ENTREP2: variants seen among roughly 807,000 people sequenced by gnomAD.
ENTREP2 encodes the protein endosomal transmembrane epsin interactor 2.
chr15:29,558,339 A>G, the ENTREP2 span, among the ~76,000 whole-genome samples: 1 of 152,090 alleles, frequency 6.6e-6, no homozygotes, highest in African/African-American at 2.4e-5. Flanking sequence ...CCACTCCAGC[A>G]TCCTAGCCCA....
chr15:29,548,075 G>A, the ENTREP2 span, among the ~76,000 whole-genome samples: 8 of 152,134 alleles, frequency 5.3e-5, no homozygotes, highest in African/African-American at 1.9e-4. Flanking sequence ...GGCTGGGTTG[G>A]GGGTAAAAGT....
chr15:29,335,650 T>C, the ENTREP2 span, among the ~76,000 whole-genome samples: 195 of 152,274 alleles, frequency 1.3e-3, 1 homozygote, highest in Non-Finnish European at 2.2e-3. Context: ...TCTGATTCAG[T>C]AGGGCCAGGG....
chr15:29,406,562 AG>A, the ENTREP2 span, among the ~76,000 whole-genome samples: 1,778 of 152,202 alleles, frequency 0.012, 18 homozygotes, highest in Non-Finnish European at 0.016. Flanking sequence ...ATTAAAAAAA[AG>A]AATATTAAAA....
At chr15:29,258,093 A>G in the ENTREP2 span, among the ~76,000 whole-genome samples, 1 of 152,050 alleles carries the variant, frequency 6.6e-6, no homozygotes, top group Non-Finnish European at 1.5e-5. Flanking sequence ...CGCGCCTGTA[A>G]TCCCAGCTAC....
At chr15:29,413,252 CAG>C in the ENTREP2 span, among the ~76,000 whole-genome samples, 2 of 152,078 alleles carry the variant, frequency 1.3e-5, no homozygotes, top group Admixed American at 1.3e-4. Flanking sequence ...CTGCAGAATT[CAG>C]TATATGTAAA....
At chr15:29,428,358 T>G in the ENTREP2 span, among the ~76,000 whole-genome samples, 2 of 152,082 alleles carry the variant, frequency 1.3e-5, no homozygotes, top group Non-Finnish European at 2.9e-5. Flanking sequence ...TTATTACAGG[T>G]GCTCGCCACC....
the ENTREP2 span, among the ~76,000 whole-genome samples, chr15:29,272,669 G>A: frequency 2.0e-5 from 3 of 152,284 alleles, no homozygotes; most frequent in South Asian, 2.1e-4. Flanking sequence ...GCAGAATGGG[G>A]TGGCCAAATA....
At chr15:29,591,919 AC>A in the ENTREP2 span, among the ~76,000 whole-genome samples, 1 of 151,292 alleles carries the variant, frequency 6.6e-6, no homozygotes, top group Non-Finnish European at 1.5e-5. Context: ...AGATGTTTCT[AC>A]AAACCAAGTG....
At chr15:29,178,313 A>T in the ENTREP2 span, among the ~76,000 whole-genome samples, 1 of 151,492 alleles carries the variant, frequency 6.6e-6, no homozygotes, top group African/African-American at 2.4e-5. Context: ...AAAAAAAAGA[A>T]AGAAAGAAAG....
the ENTREP2 span, among the ~76,000 whole-genome samples, chr15:29,323,412 G>A: frequency 0.041 from 6,200 of 152,200 alleles, 410 homozygotes; most frequent in African/African-American, 0.14. Flanking sequence ...GGAGGGTGGC[G>A]TCCTGAAGTG....
the ENTREP2 span, among the ~76,000 whole-genome samples, chr15:29,460,292 AC>A: frequency 1.3e-5 from 2 of 151,960 alleles, no homozygotes; most frequent in Admixed American, 6.6e-5. Context: ...TAAGCCTTTA[AC>A]TTTAAAAATA....
At chr15:29,123,606 T>C in the ENTREP2 span, 1 of 1,551,534 alleles carries the variant, frequency 6.4e-7, no homozygotes, top group Non-Finnish European at 8.7e-7. Flanking sequence ...GGTCCCCCGC[T>C]GGTGAAAGCT....
At chr15:29,431,279 C>T in the ENTREP2 span, among the ~76,000 whole-genome samples, 5 of 152,008 alleles carry the variant, frequency 3.3e-5, no homozygotes, top group African/African-American at 1.2e-4. Context: ...GGCCCCTGCA[C>T]GTATGGTTTA....
the ENTREP2 span, among the ~76,000 whole-genome samples, chr15:29,222,022 G>A: frequency 6.6e-6 from 1 of 152,342 alleles, no homozygotes; most frequent in Non-Finnish European, 1.5e-5. Flanking sequence ...GTTTGAACCA[G>A]AGTAACTCCA....
the ENTREP2 span, among the ~76,000 whole-genome samples, chr15:29,147,398 G>C: frequency 6.6e-6 from 1 of 151,894 alleles, no homozygotes; most frequent in Non-Finnish European, 1.5e-5. Flanking sequence ...ATAAGTGTTG[G>C]CGTGGATGTG....
the ENTREP2 span, among the ~76,000 whole-genome samples, chr15:29,459,649 G>A: frequency 4.6e-5 from 7 of 152,274 alleles, no homozygotes; most frequent in East Asian, 1.2e-3. Context: ...AGGGTTGTAA[G>A]CCAGGAGGGA....
the ENTREP2 span, among the ~76,000 whole-genome samples, chr15:29,170,802 G>A: frequency 6.6e-6 from 1 of 152,236 alleles, no homozygotes; most frequent in Non-Finnish European, 1.5e-5. Context: ...AGAAATAAAT[G>A]TCTGCTGTTT....
the ENTREP2 span, among the ~76,000 whole-genome samples, chr15:29,480,779 T>C: frequency 2.0e-5 from 3 of 152,122 alleles, no homozygotes; most frequent in Non-Finnish European, 4.4e-5. Flanking sequence ...CAACTCTGAC[T>C]TTCCGAAGGT....
At chr15:29,430,977 T>C in the ENTREP2 span, among the ~76,000 whole-genome samples, 1 of 152,180 alleles carries the variant, frequency 6.6e-6, no homozygotes, top group Non-Finnish European at 1.5e-5. Flanking sequence ...CCTTTGTGCG[T>C]AGCTACCCAA....
Sources: gnomAD v4.1 joint callset for allele counts (sites outside exome capture counted in the v4.1 genomes callset) on GRCh38, gnomAD v4.1.1 for gene constraint, MANE v1.5 for transcripts, NCBI Gene and HGNC (gene_info 2026-07-23, HGNC 2026-07-21) for gene names.